NPEPPS: variants seen among roughly 807,000 people sequenced by gnomAD.
NPEPPS encodes puromycin-sensitive aminopeptidase.
Under a neutral mutation model 115.5 loss-of-function variants are expected in NPEPPS, and 14 were observed. That is an observed-to-expected ratio of 0.12 (90% CI 0.08 to 0.19). NPEPPS has a LOEUF of 0.19. Ranked by LOEUF, NPEPPS falls within the 10% of genes least tolerant of loss-of-function variation. The pLI, the probability that NPEPPS is intolerant of heterozygous loss-of-function variation, is 1.00. For missense variants in NPEPPS, 523 were observed against 1,110.8 expected (o/e 0.47, Z 7.52); for synonymous variants, 285 against 390.6 (o/e 0.73, Z 3.19).
chr17:47,573,487 TAA>T (rs1177096738), intron 3 of NPEPPS, among the ~76,000 whole-genome samples: 15 of 152,328 alleles, frequency 9.8e-5, no homozygotes, highest in African/African-American at 3.4e-4. Flanking sequence ...TGATTCTTTG[TAA>T]AAGATATTGG....
At chr17:47,543,455 T>G (rs1386645048) in intron 1 of NPEPPS, among the ~76,000 whole-genome samples, 1 of 151,154 alleles carries the variant, frequency 6.6e-6, no homozygotes, top group Non-Finnish European at 1.5e-5. Flanking sequence ...GTAGCTGGGA[T>G]TACAGGCGCG....
At chr17:47,556,073 CTTTTTTTTTT>C (rs747406184) in intron 2 of NPEPPS, among the ~76,000 whole-genome samples, 1 of 80,736 alleles carries the variant, frequency 1.2e-5, no homozygotes, top group Non-Finnish European at 2.6e-5. Context: ...AAGCAATTCT[CTTTTTTTTTT>C]TTTTTTTTTT....
chr17:47,561,688 G>C (rs1395134210), intron 2 of NPEPPS, among the ~76,000 whole-genome samples: 1 of 152,108 alleles, frequency 6.6e-6, no homozygotes, highest in Non-Finnish European at 1.5e-5. Context: ...GCAGGCCATA[G>C]AAACTAAAAA....
At chr17:47,620,554 A>G (rs1914502429) in intron 22 of NPEPPS, among the ~76,000 whole-genome samples, 1 of 152,204 alleles carries the variant, frequency 6.6e-6, no homozygotes, top group South Asian at 2.1e-4. Context: ...GATAATCCCC[A>G]GGTTTCTGGT....
At chr17:47,566,375 T>C (rs1910813688) in intron 2 of NPEPPS, among the ~76,000 whole-genome samples, 1 of 152,066 alleles carries the variant, frequency 6.6e-6, no homozygotes, top group Admixed American at 6.6e-5. Context: ...CCTTAATGAC[T>C]AATGATGCTG....
chr17:47,552,619 T>C (rs1909728603), intron 2 of NPEPPS, among the ~76,000 whole-genome samples: 1 of 152,238 alleles, frequency 6.6e-6, no homozygotes, highest in South Asian at 2.1e-4. Flanking sequence ...TTATATTTGG[T>C]AAGTTTTAAA....
At chr17:47,557,320 G>C (rs1289086118) in intron 2 of NPEPPS, 2 of 151,632 alleles carry the variant, frequency 1.3e-5, no homozygotes, top group Admixed American at 6.6e-5. Context: ...TCAAGTGATC[G>C]GTTCGCCTTG....
chr17:47,613,438 T>C (rs184406428), intron 18 of NPEPPS, among the ~76,000 whole-genome samples: 21 of 151,950 alleles, frequency 1.4e-4, no homozygotes, highest in Admixed American at 9.2e-4. Flanking sequence ...AGCTAATTTT[T>C]GTATTTTTAG....
chr17:47,541,527 C>T (rs1203761076), intron 1 of NPEPPS, among the ~76,000 whole-genome samples: 2 of 152,098 alleles, frequency 1.3e-5, no homozygotes, highest in South Asian at 2.1e-4. Flanking sequence ...CAGGCGCCTG[C>T]CACCACGCCC....
upstream of NPEPPS, among the ~76,000 whole-genome samples, chr17:47,527,764 A>G (rs987609275): frequency 1.1e-4 from 17 of 151,830 alleles, no homozygotes; most frequent in African/African-American, 4.1e-4. Flanking sequence ...CAAGAAAAAC[A>G]AAACAAACAA....
intron 11 of NPEPPS, among the ~76,000 whole-genome samples, 171 bp downstream of exon 11, chr17:47,592,231 G>T: frequency 6.6e-6 from 1 of 151,796 alleles, no homozygotes; most frequent in South Asian, 2.1e-4. Context: ...GACTACTCTG[G>T]TCTCTTAGAT....
chr17:47,559,170 A>G (rs1319445896), intron 2 of NPEPPS, among the ~76,000 whole-genome samples: 1 of 152,102 alleles, frequency 6.6e-6, no homozygotes, highest in Non-Finnish European at 1.5e-5. Flanking sequence ...CAGCCTCCTG[A>G]GTAGCTGGAA....
chr17:47,561,184 T>A (rs1302312428), intron 2 of NPEPPS, among the ~76,000 whole-genome samples: 1 of 152,100 alleles, frequency 6.6e-6, no homozygotes, highest in Non-Finnish European at 1.5e-5. Flanking sequence ...ATTTTCCCTA[T>A]ACCTCCTTTT....
At chr17:47,572,795 C>T (rs1911275244) in intron 3 of NPEPPS, among the ~76,000 whole-genome samples, 1 of 152,114 alleles carries the variant, frequency 6.6e-6, no homozygotes, top group Non-Finnish European at 1.5e-5. Context: ...TTCATTTTTG[C>T]AACAGAATCT....
chr17:47,575,461 G>A (rs377229288), intron 3 of NPEPPS, among the ~76,000 whole-genome samples: 17 of 151,428 alleles, frequency 1.1e-4, no homozygotes, highest in East Asian at 3.9e-4. Context: ...ATGACCATTC[G>A]TATAGTATGA....
At position 47,592,723 on chromosome 17, in the gene NPEPPS, A is replaced by G. The variant is rs1459587332; in HGVS notation, c.1426+178A>G. ...CTAATCTCAAAATCTGAAATTTGAA[A>G]TGCTCCAGAATCTGAAACTTTTTCT... On this transcript the variant is annotated intron_variant, in intron 12 of 22. Transcript: ENST00000322157. The G allele has an allele frequency of 9.1e-6, 5 of 550,168 alleles. No individual in the cohort carries two copies. The East Asian group carries it at 1.7e-4, about 19-fold the overall frequency. 34.1% of individuals were successfully genotyped at this position (550,168 alleles called of 1,614,324 possible). A position where few individuals can be genotyped will look rare whatever the true frequency, so the allele number is the denominator to read the frequency against.
At chr17:47,573,328 C>G (rs1036918104) in intron 3 of NPEPPS, among the ~76,000 whole-genome samples, 2 of 152,108 alleles carry the variant, frequency 1.3e-5, no homozygotes, top group Non-Finnish European at 1.5e-5. Context: ...CCTAGACTTA[C>G]CATTAGGAAC....
rs1218302482 is a variant in NPEPPS at position 47,622,557 on chromosome 17, A to C, written c.*637A>C. 3 of 247,000 alleles carry C rather than the reference A, an allele frequency of 1.2e-5. No individual in the cohort carries two copies. Among genetic ancestry groups the C allele is most frequent in the Non-Finnish European group, 2.4e-5 (3 of 127,476 alleles). The allele number at this position is 247,000 out of a possible 1,614,324, so 15.3% of individuals were successfully genotyped here. A position where few individuals can be genotyped will look rare whatever the true frequency, so the allele number is the denominator to read the frequency against. Reference sequence around the variant, plus strand: ...TGACCGACCCCTTGGCCAAAAAAAAACAAAAAGCAAAAAACAAAAACCTAC... The same window carrying C: ...TGACCGACCCCTTGGCCAAAAAAAACCAAAAAGCAAAAAACAAAAACCTAC... On this transcript the variant is annotated 3_prime_UTR_variant, in exon 23 of 23. Transcript: ENST00000322157.
At chr17:47,609,707 C>T (rs1913725646) in intron 17 of NPEPPS, among the ~76,000 whole-genome samples, 1 of 152,186 alleles carries the variant, frequency 6.6e-6, no homozygotes, top group East Asian at 1.9e-4. Flanking sequence ...CCTAATTGGT[C>T]CCTGCTACTT....
Sources: allele counts gnomAD v4.1 joint callset (sites outside exome capture counted in the v4.1 genomes callset), GRCh38; gene constraint gnomAD v4.1.1; transcripts MANE v1.5; gene names NCBI Gene and HGNC (gene_info 2026-07-23, HGNC 2026-07-21).